The following PCDH15 variants were observed in gnomAD, a reference collection of about 807,000 sequenced individuals.
PCDH15 encodes the protein protocadherin-15.
PCDH15 carries 129 observed loss-of-function variants against 178.5 expected under a neutral mutation model. That is an observed-to-expected ratio of 0.72 (90% CI 0.63 to 0.84). PCDH15 has a LOEUF of 0.84. Ranked by LOEUF, PCDH15 falls within the 40% of genes least tolerant of loss-of-function variation. PCDH15 has a pLI of 0.00. For synonymous variants in PCDH15, 800 were observed against 732.0 expected (o/e 1.09, Z -1.50); for missense variants, 2,230 against 2,099.9 (o/e 1.06, Z -1.21).
intron 2 of PCDH15, among the ~76,000 whole-genome samples, chr10:55,121,360 G>GC (rs368023347): frequency 1.5e-4 from 13 of 87,198 alleles, no homozygotes; most frequent in East Asian, 4.2e-4. Context: ...CTCAGAGCTG[G>GC]GGGGGGGCAA....
chr10:55,428,325 A>G (rs1446469870), intron 2 of PCDH15, among the ~76,000 whole-genome samples: 1 of 151,970 alleles, frequency 6.6e-6, no homozygotes, highest in African/African-American at 2.4e-5. Flanking sequence ...ATCAGTTATC[A>G]TTTTGCATCT....
chr10:54,503,816 A>T (rs2080932858), intron 3 of PCDH15, among the ~76,000 whole-genome samples: 1 of 152,092 alleles, frequency 6.6e-6, no homozygotes. Context: ...AAGACCTGGA[A>T]TGTCTGGTCC....
chr10:54,415,193 GT>G (rs1271482480), intron 3 of PCDH15, among the ~76,000 whole-genome samples: 1 of 151,882 alleles, frequency 6.6e-6, no homozygotes, highest in African/African-American at 2.4e-5. Context: ...TAATATGTTT[GT>G]TTTTTTCCTA....
At chr10:54,315,931 GTTTT>G (rs765177414) in intron 8 of PCDH15, among the ~76,000 whole-genome samples, 1 of 107,306 alleles carries the variant, frequency 9.3e-6, no homozygotes, top group African/African-American at 3.1e-5. Flanking sequence ...TAGTTTGTGT[GTTTT>G]TTTTGTTTGT....
chr10:55,320,370 C>T (rs1286074990), upstream of PCDH15, among the ~76,000 whole-genome samples: 1 of 151,626 alleles, frequency 6.6e-6, no homozygotes, highest in Non-Finnish European at 1.5e-5. Context: ...CCACACCATG[C>T]CCCCACCACC....
intron 1 of PCDH15, among the ~76,000 whole-genome samples, chr10:55,183,127 G>C (rs1303852949): frequency 6.6e-6 from 1 of 151,902 alleles, no homozygotes; most frequent in Non-Finnish European, 1.5e-5. Flanking sequence ...TTTTGAAAAA[G>C]TTGTTACTTA....
intron 3 of PCDH15, among the ~76,000 whole-genome samples, chr10:54,472,055 AGGAAAGTG>A: frequency 6.6e-6 from 1 of 152,276 alleles, no homozygotes; most frequent in Admixed American, 6.5e-5. Context: ...ATAGGGGGAA[AGGAAAGTG>A]GGCAACTTAG....
intron 2 of PCDH15, among the ~76,000 whole-genome samples, chr10:55,140,037 A>G (rs1276647407): frequency 6.6e-6 from 1 of 151,894 alleles, no homozygotes; most frequent in Non-Finnish European, 1.5e-5. Flanking sequence ...GATTTCAAAT[A>G]GTTCATTTTC....
intron 8 of PCDH15, among the ~76,000 whole-genome samples, chr10:54,282,925 T>A (rs2058790605): frequency 6.6e-6 from 1 of 152,012 alleles, no homozygotes. Flanking sequence ...TATATGAGAT[T>A]ATGAGTAAAA....
chr10:53,878,181 G>GCGCACACACA (rs150931761), intron 26 of PCDH15, among the ~76,000 whole-genome samples: 1 of 124,938 alleles, frequency 8.0e-6, no homozygotes, highest in Non-Finnish European at 1.6e-5. Flanking sequence ...CTATACTATG[G>GCGCACACACA]CACACACACA....
intron 2 of PCDH15, among the ~76,000 whole-genome samples, chr10:55,128,640 C>G (rs1044279623): frequency 3.9e-5 from 6 of 152,050 alleles, no homozygotes; most frequent in Non-Finnish European, 5.9e-5. Flanking sequence ...GACTGTCATA[C>G]ACTTATTCAG....
At chr10:55,341,789 ATATATATATATATATAT>A (rs1293766496) in intron 2 of PCDH15, among the ~76,000 whole-genome samples, 1 of 20,832 alleles carries the variant, frequency 4.8e-5, no homozygotes, top group Non-Finnish European at 9.7e-5. Context: ...ATATATATAT[ATATATATATATATATAT>A]TTTTTTTTTT....
At chr10:55,007,454 G>A (rs567229746) in intron 2 of PCDH15, among the ~76,000 whole-genome samples, 8 of 152,206 alleles carry the variant, frequency 5.3e-5, no homozygotes, top group South Asian at 4.1e-4. Context: ...AATGTAATAC[G>A]CAGTTCCCAT....
chr10:54,952,831 T>A (rs894308280), intron 2 of PCDH15, among the ~76,000 whole-genome samples: 4 of 151,658 alleles, frequency 2.6e-5, no homozygotes, highest in African/African-American at 9.7e-5. Context: ...ACCAACTTTT[T>A]AAAATTAACT....
chr10:54,326,154 C>T (rs989860358), intron 7 of PCDH15, among the ~76,000 whole-genome samples: 2 of 152,086 alleles, frequency 1.3e-5, no homozygotes, highest in South Asian at 2.1e-4. Flanking sequence ...GATCACTGAA[C>T]TCAGAGTTTG....
rs2043761806 is a variant in PCDH15, at chr10:54,144,918, CA to C, written c.1784+8181del. 3.9e-5 allele frequency among the ~76,000 whole-genome samples: 6 copies of C among 152,048 alleles called. No homozygotes were observed. In the South Asian group the frequency reaches 1.2e-3, roughly 31 times the overall value. ...GCTTTCCATTTCTCCCTACGTCCTA[CA>C]AGAACAAATATGTAAAATAAACTGG... On this transcript the variant is annotated intron_variant, in intron 14 of 37. Coordinates refer to ENST00000644397, the MANE Select transcript of PCDH15 (RefSeq NM_001384140.1).
chr10:54,057,537 G>C (rs552417903), intron 18 of PCDH15, among the ~76,000 whole-genome samples: 1 of 152,184 alleles, frequency 6.6e-6, no homozygotes, highest in Admixed American at 6.5e-5. Context: ...AGGGCACTAA[G>C]TCATGAGGAT....
intron 3 of PCDH15, among the ~76,000 whole-genome samples, chr10:54,837,946 G>T (rs543394651): frequency 6.6e-6 from 1 of 152,004 alleles, no homozygotes; most frequent in Non-Finnish European, 1.5e-5. Flanking sequence ...GGAAACCGTC[G>T]TGTTAAACTC....
intron 2 of PCDH15, among the ~76,000 whole-genome samples, chr10:55,065,980 T>C (rs935778070): frequency 2.0e-5 from 3 of 152,018 alleles, no homozygotes; most frequent in African/African-American, 7.2e-5. Flanking sequence ...ACTTTATACA[T>C]ACAAGTCCCA....
Sources: gnomAD v4.1 joint callset for allele counts (sites outside exome capture counted in the v4.1 genomes callset) on GRCh38, gnomAD v4.1.1 for gene constraint, MANE v1.5 for transcripts, NCBI Gene and HGNC (gene_info 2026-07-23, HGNC 2026-07-21) for gene names.